CNBD1: variants seen among roughly 807,000 people sequenced by gnomAD.
The protein encoded by CNBD1 is cyclic nucleotide-binding domain-containing protein 1.
CNBD1 carries 71 observed loss-of-function variants against 54.4 expected under a neutral mutation model. That is an observed-to-expected ratio of 1.30 (90% CI 1.08 to 1.59). The LOEUF is 1.59. Ranked by LOEUF, CNBD1 falls within the 40% of genes most tolerant of loss-of-function variation. The pLI is 0.00. For missense variants in CNBD1, 659 were observed against 518.0 expected (o/e 1.27, Z -2.64); for synonymous variants, 182 against 170.7 (o/e 1.07, Z -0.51).
chr8:86,936,742 CAAA>C (rs35376017), intron 3 of CNBD1, among the ~76,000 whole-genome samples: 66 of 100,842 alleles, frequency 6.5e-4, no homozygotes, highest in Admixed American at 1.5e-3. Context: ...GACTCCATCT[CAAA>C]AAAAAAAAAA....
intron 4 of CNBD1, among the ~76,000 whole-genome samples, chr8:87,173,330 G>C (rs1813127950): frequency 6.6e-6 from 1 of 152,042 alleles, no homozygotes; most frequent in Admixed American, 6.5e-5. Context: ...CACAATTACG[G>C]TGTTATAATA....
At chr8:87,200,958 C>T (rs893008165) in intron 4 of CNBD1, among the ~76,000 whole-genome samples, 2 of 152,088 alleles carry the variant, frequency 1.3e-5, no homozygotes, top group East Asian at 1.9e-4. Context: ...AACAAAACTA[C>T]AAGCCAATGT....
chr8:87,356,299 A>T (rs1810419118), intron 10 of CNBD1, among the ~76,000 whole-genome samples: 2 of 152,180 alleles, frequency 1.3e-5, no homozygotes, highest in African/African-American at 4.8e-5. Flanking sequence ...AGAAGACAGC[A>T]GATGAAGGAA....
intron 8 of CNBD1, among the ~76,000 whole-genome samples, chr8:87,308,029 C>T (rs994947366): frequency 2.6e-5 from 4 of 152,078 alleles, no homozygotes; most frequent in Non-Finnish European, 4.4e-5. Flanking sequence ...CAGGAAGTTT[C>T]CCCATGTTAT....
At chr8:87,301,829 A>T (rs1423382035) in intron 8 of CNBD1, among the ~76,000 whole-genome samples, 1 of 152,214 alleles carries the variant, frequency 6.6e-6, no homozygotes, top group East Asian at 1.9e-4. Flanking sequence ...CCACAGAAAT[A>T]CAAACTACCA....
chr8:87,001,599 A>T (rs1281802703), intron 4 of CNBD1, among the ~76,000 whole-genome samples: 1 of 152,206 alleles, frequency 6.6e-6, no homozygotes, highest in African/African-American at 2.4e-5. Context: ...AATGAGCTAA[A>T]GTTGAATATG....
intron 4 of CNBD1, among the ~76,000 whole-genome samples, chr8:86,996,545 A>G (rs7012576): frequency 0.027 from 4,103 of 152,342 alleles, 59 homozygotes; most frequent in Middle Eastern, 0.048. Context: ...ATATTATAGT[A>G]GCAGGCTGAA....
intron 4 of CNBD1, among the ~76,000 whole-genome samples, chr8:87,167,387 A>G (rs544142602): frequency 2.0e-5 from 3 of 152,040 alleles, no homozygotes; most frequent in South Asian, 4.1e-4. Flanking sequence ...TCATCCTTCA[A>G]TTATACAGTA....
chr8:87,315,448 G>A (rs1038942239), intron 8 of CNBD1, among the ~76,000 whole-genome samples: 1 of 151,924 alleles, frequency 6.6e-6, no homozygotes, highest in Admixed American at 6.6e-5. Flanking sequence ...CATCTACTTG[G>A]CTTCTGGTGA....
At chr8:87,423,479 G>T (rs1055722205) in intron 2 of CNBD1, among the ~76,000 whole-genome samples, 1 of 151,676 alleles carries the variant, frequency 6.6e-6, no homozygotes, top group African/African-American at 2.4e-5. Flanking sequence ...AGAGTTTTTA[G>T]CATGAAGGGT....
At chr8:87,200,686 AAAC>A in intron 4 of CNBD1, among the ~76,000 whole-genome samples, 1 of 152,138 alleles carries the variant, frequency 6.6e-6, no homozygotes, top group Non-Finnish European at 1.5e-5. Context: ...TTCTAGAAAT[AAAC>A]AAATTACCAA....
chr8:87,368,761 T>C (rs1240436227), intron 10 of CNBD1, among the ~76,000 whole-genome samples: 1 of 152,078 alleles, frequency 6.6e-6, no homozygotes, highest in South Asian at 2.1e-4. Context: ...TGCTTTTGTC[T>C]GTGCTTAGAC....
chr8:86,923,811 C>CA (rs1348935357), intron 3 of CNBD1, among the ~76,000 whole-genome samples: 2 of 152,070 alleles, frequency 1.3e-5, no homozygotes, highest in Non-Finnish European at 1.5e-5. Context: ...ATAAAGAGAG[C>CA]ATTTAAAGAA....
At chr8:87,199,050 T>C (rs1306098410) in intron 4 of CNBD1, among the ~76,000 whole-genome samples, 1 of 152,018 alleles carries the variant, frequency 6.6e-6, no homozygotes, top group African/African-American at 2.4e-5. Context: ...AATGACCAGA[T>C]CTCATGTGAA....
chr8:86,926,437 C>A (rs1161565166), intron 3 of CNBD1, among the ~76,000 whole-genome samples: 1 of 152,082 alleles, frequency 6.6e-6, no homozygotes. Flanking sequence ...TGGCCTTGAT[C>A]CTGGGGGAAA....
chr8:87,426,544 T>C (rs1036257621), intron 2 of CNBD1, among the ~76,000 whole-genome samples: 6 of 152,224 alleles, frequency 3.9e-5, no homozygotes, highest in Non-Finnish European at 8.8e-5. Context: ...CAGAAACTTA[T>C]AATGAGGTAA....
chr8:87,323,847 G>C (rs1053456111), intron 8 of CNBD1, among the ~76,000 whole-genome samples: 3 of 129,018 alleles, frequency 2.3e-5, no homozygotes, highest in Non-Finnish European at 5.2e-5. Context: ...GTGTTGAATA[G>C]GAGTGGTGAG....
intron 4 of CNBD1, among the ~76,000 whole-genome samples, chr8:86,957,610 T>C (rs940479815): frequency 1.3e-5 from 2 of 152,234 alleles, no homozygotes; most frequent in African/African-American, 2.4e-5. Context: ...TTCTAGTTTA[T>C]TTGCATGGAG....
chr8:86,997,057 GT>G (rs1340682629), intron 4 of CNBD1, among the ~76,000 whole-genome samples: 10 of 152,106 alleles, frequency 6.6e-5, no homozygotes, highest in Admixed American at 6.6e-5. Flanking sequence ...TGAAGATTAG[GT>G]TTTAGATTAT....
Sources: gnomAD v4.1 joint callset for allele counts (sites outside exome capture counted in the v4.1 genomes callset) on GRCh38, gnomAD v4.1.1 for gene constraint, MANE v1.5 for transcripts, NCBI Gene and HGNC (gene_info 2026-07-23, HGNC 2026-07-21) for gene names.